Variants in ARL9 observed in about 807,000 individuals in gnomAD.
The protein encoded by ARL9 is ARF like GTPase 9.
ARL9 carries 14 observed loss-of-function variants against 27.0 expected under a neutral mutation model. The ratio of observed to expected loss-of-function variants is 0.52; its 90% CI spans 0.34 to 0.81. The LOEUF is 0.81. Among genes scored for constraint, ARL9 ranks in the 30% least tolerant of loss-of-function variants. The pLI is 0.01. For missense variants in ARL9, 294 were observed against 290.0 expected, an observed-to-expected ratio of 1.01 and a Z score of -0.10; for synonymous variants, 106 against 108.7, an observed-to-expected ratio of 0.98 and a Z score of 0.15.
Position 56,523,955 on chromosome 4 carries a change from A to G in ARL9, c.*79A>G, listed in dbSNP as rs577371326. The G allele has an allele frequency of 9.6e-5, 132 of 1,370,324 alleles. No homozygotes were observed. In the African/African-American group the frequency reaches 1.1e-3, roughly 12 times the overall value. The allele number at this position is 1,370,324 out of a possible 1,614,324, so 84.9% of individuals were successfully genotyped here. A position where few individuals can be genotyped will look rare whatever the true frequency, so the allele number is the denominator to read the frequency against. Reference sequence around the variant, plus strand: ...GGCAGGCTTGAAGCCAAAGGTTTCCACCTCAAATAAAAATTAAGCCATTTC... The same window carrying G: ...GGCAGGCTTGAAGCCAAAGGTTTCCGCCTCAAATAAAAATTAAGCCATTTC... On this transcript the variant is annotated 3_prime_UTR_variant, in exon 4 of 4. Transcript: ENST00000640821.
chr4:56,511,092 T>C (rs1721623047), intron 1 of ARL9, 93 bp from the exon 2 acceptor site: 1 of 1,270,258 alleles, frequency 7.9e-7, no homozygotes, highest in African/African-American at 1.5e-5. Flanking sequence ...TTATTCTGGT[T>C]ACAGTTCCAA....
intron 1 of ARL9, among the ~76,000 whole-genome samples, chr4:56,510,903 C>T (rs1721619112): frequency 6.6e-6 from 1 of 151,774 alleles, no homozygotes; most frequent in Non-Finnish European, 1.5e-5. Flanking sequence ...TCCCAAGTAG[C>T]TGGACTTACA....
chr4:56,522,678 T>A (rs1721956617), intron 3 of ARL9, among the ~76,000 whole-genome samples: 1 of 152,224 alleles, frequency 6.6e-6, no homozygotes, highest in Non-Finnish European at 1.5e-5. Context: ...GAGTTAAAGA[T>A]GTATGTTTTG....
At chr4:56,522,175 C>T (rs1400133030) in intron 3 of ARL9, among the ~76,000 whole-genome samples, 1 of 152,038 alleles carries the variant, frequency 6.6e-6, no homozygotes, top group East Asian at 1.9e-4. Context: ...AATCCCAGCA[C>T]TTTGGAAGGC....
At chr4:56,505,706 T>G (rs1210131436), upstream of ARL9, 1 of 1,265,526 alleles carries the variant, frequency 7.9e-7, no homozygotes, top group Non-Finnish European at 1.0e-6. Context: ...AAGCGGCGGT[T>G]GGCGGCGGTG....
At chr4:56,514,069 G>A (rs1247053809) in intron 2 of ARL9, among the ~76,000 whole-genome samples, 3 of 152,212 alleles carry the variant, frequency 2.0e-5, no homozygotes, top group Admixed American at 6.5e-5. Context: ...TACTCTGGAG[G>A]CTGAGGCAGG....
At chr4:56,510,532 T>C (rs1721607685) in intron 1 of ARL9, among the ~76,000 whole-genome samples, 1 of 151,984 alleles carries the variant, frequency 6.6e-6, no homozygotes, top group Non-Finnish European at 1.5e-5. Context: ...TGAATTCAGG[T>C]GCAGTCTCCA....
chr4:56,511,754 AG>A (rs1721641495), intron 2 of ARL9, among the ~76,000 whole-genome samples: 2 of 152,200 alleles, frequency 1.3e-5, no homozygotes, highest in South Asian at 4.1e-4. Context: ...CCTACTGGAT[AG>A]TAATTCTGGA....
intron 2 of ARL9, among the ~76,000 whole-genome samples, chr4:56,514,309 A>C (rs1721717805): frequency 6.6e-6 from 1 of 152,240 alleles, no homozygotes; most frequent in South Asian, 2.1e-4. Flanking sequence ...AGAACAACAG[A>C]ATAAAACCAA....
chr4:56,516,843 C>T (rs533036881), intron 2 of ARL9, among the ~76,000 whole-genome samples: 2 of 152,196 alleles, frequency 1.3e-5, no homozygotes, highest in East Asian at 1.9e-4. Flanking sequence ...AAAGGAGGAT[C>T]GCTTGAGCCC....
At position 56,523,897 on chromosome 4, in the gene ARL9, C is replaced by T. The variant is rs537875607; in HGVS notation, c.*21C>T. 4.6e-5 allele frequency: 74 copies of T among 1,594,862 alleles called. No homozygotes were observed. The East Asian group carries it at 1.1e-3, about 23-fold the overall frequency. Reference sequence around the variant, plus strand: ...AGTGACCAGGACTCAGCCCACTGTGCGGCTCACGACTGAGATGTCATCAGT... The same window carrying T: ...AGTGACCAGGACTCAGCCCACTGTGTGGCTCACGACTGAGATGTCATCAGT... On this transcript the variant is annotated 3_prime_UTR_variant, in exon 4 of 4. Transcript: ENST00000640821.
intron 2 of ARL9, among the ~76,000 whole-genome samples, chr4:56,512,319 T>C (rs1262575569): frequency 2.0e-5 from 3 of 147,384 alleles, no homozygotes; most frequent in Admixed American, 6.7e-5. Flanking sequence ...TGTAATAAAA[T>C]CCAGAGTCTT....
chr4:56,514,341 T>G (rs1721718631), intron 2 of ARL9, among the ~76,000 whole-genome samples: 3 of 152,032 alleles, frequency 2.0e-5, no homozygotes, highest in African/African-American at 7.2e-5. Context: ...GGGGAGATAA[T>G]AAAGACACGA....
chr4:56,512,596 G>A (rs926191360), intron 2 of ARL9, among the ~76,000 whole-genome samples: 1 of 148,472 alleles, frequency 6.7e-6, no homozygotes, highest in African/African-American at 2.5e-5. Context: ...CTGGAGTGCA[G>A]TGGCACGATC....
At chr4:56,505,326 A>G, upstream of ARL9, 1 of 455,610 alleles carries the variant, frequency 2.2e-6, no homozygotes, top group Non-Finnish European at 4.4e-6. Context: ...CATGAGCAGT[A>G]CAGGCTCATG....
At chr4:56,510,497 G>A (rs1430828018) in intron 1 of ARL9, among the ~76,000 whole-genome samples, 2 of 152,150 alleles carry the variant, frequency 1.3e-5, no homozygotes, top group East Asian at 3.9e-4. Flanking sequence ...CATGCACCAC[G>A]GAGGTCCCAA....
intron 2 of ARL9, 138 bp from the exon 3 acceptor site, chr4:56,518,540 G>T: frequency 1.4e-6 from 1 of 724,882 alleles, no homozygotes. Flanking sequence ...CTGAGGACTG[G>T]GTACACTCTA....
intron 3 of ARL9, among the ~76,000 whole-genome samples, chr4:56,521,415 T>C (rs1279365718): frequency 6.6e-6 from 1 of 152,202 alleles, no homozygotes; most frequent in Non-Finnish European, 1.5e-5. Context: ...TTTATTGTTC[T>C]TAACAGTGCT....
chr4:56,508,664 G>A lies in ARL9; in HGVS notation c.280-2521G>A, dbSNP rs182993789. 9.6e-3 allele frequency among the ~76,000 whole-genome samples: 1,455 copies of A among 152,256 alleles called. 11 individuals carry two copies. The highest frequency in any genetic ancestry group is 0.017 in the Middle Eastern group (5 of 294). Reference sequence around the variant, plus strand: ...GCCTCCCAAAGTGCTGGGATTACAGGTAAGAGCCACCGCACCGGCCTACTT... The same window carrying A: ...GCCTCCCAAAGTGCTGGGATTACAGATAAGAGCCACCGCACCGGCCTACTT... On this transcript the variant is annotated intron_variant, in intron 1 of 3. Coordinates refer to ENST00000640821, the MANE Select transcript of ARL9 (RefSeq NM_001363794.2).
Sources: allele counts gnomAD v4.1 joint callset (sites outside exome capture counted in the v4.1 genomes callset), GRCh38; gene constraint gnomAD v4.1.1; transcripts MANE v1.5; gene names NCBI Gene and HGNC (gene_info 2026-07-23, HGNC 2026-07-21).